Variants in ZNF106 observed in about 807,000 individuals in gnomAD.
ZNF106 encodes the protein SH3-domain binding protein 3.
A neutral mutation model predicts 195.1 loss-of-function variants in ZNF106; 67 were observed. The observed-to-expected ratio is 0.34, with a 90% CI of 0.28 to 0.42. ZNF106 has a LOEUF of 0.42. Ranked by LOEUF, ZNF106 falls within the 10% of genes least tolerant of loss-of-function variation. The pLI, the probability that ZNF106 is intolerant of heterozygous loss-of-function variation, is 1.00. For missense variants in ZNF106, 2,118 were observed against 2,304.5 expected, an observed-to-expected ratio of 0.92 and a Z score of 1.66; for synonymous variants, 784 against 818.6, an observed-to-expected ratio of 0.96 and a Z score of 0.72.
chr15:42,437,131 C>A (rs753403993), intron 13 of ZNF106, 101 bp downstream of exon 13: 1 of 1,307,792 alleles, frequency 7.6e-7, no homozygotes. Context: ...CCCACCCCTT[C>A]CTTCAGACAG....
At chr15:42,420,202 C>A (rs2054608892) in intron 20 of ZNF106, among the ~76,000 whole-genome samples, 1 of 152,098 alleles carries the variant, frequency 6.6e-6, no homozygotes, top group Admixed American at 6.6e-5. Context: ...ATAAACAATT[C>A]TTGAGTTTTA....
At chr15:42,444,582 T>C (rs551868828) in intron 8 of ZNF106, among the ~76,000 whole-genome samples, 138 of 152,384 alleles carry the variant, frequency 9.1e-4, no homozygotes, top group Admixed American at 2.3e-3. Flanking sequence ...AACACCCTTG[T>C]GGGGACTGCT....
In ZNF106 at chr15:42,421,064, A is replaced by G; in HGVS notation, c.5514T>C (p.Cys1838=). 1 of 1,614,130 alleles carries G rather than the reference A, an allele frequency of 6.2e-7. No individual in the cohort carries two copies. The highest frequency in any genetic ancestry group is 8.5e-7 in the Non-Finnish European group (1 of 1,179,980). ...CAGGAAGAGTTTCACTCCTTACCCA[A>G]CAGCGGTAATTCTGCATCAGATTAA... The part of the protein sequence containing the change: ...VRLNLMQNYR[C]WWHGCSLIFG... Residue 1838 remains cysteine, a synonymous_variant, in exon 20 of 22, where the codon TGT becomes TGC. Transcript: ENST00000564754.
intron 13 of ZNF106, among the ~76,000 whole-genome samples, chr15:42,436,475 C>A (rs2055278251): frequency 1.3e-5 from 2 of 152,154 alleles, no homozygotes; most frequent in Admixed American, 1.3e-4. Context: ...GCCTATATAG[C>A]AAACACATTT....
chr15:42,421,929 G>T lies in ZNF106; in HGVS notation c.5433C>A (p.Ile1811=). ...GHKDMIMCMT[I]HKSMIYTGCY... The stretch of plus-strand genomic sequence containing the variant: ...AAATAACACTCACCATGCTTTTATG[G>T]ATGGTCATACACATAATCATGTCTT... Residue 1811 remains isoleucine (I), a synonymous_variant, in exon 19 of 22, where the codon ATC becomes ATA. Coordinates refer to ENST00000564754, the MANE Select transcript of ZNF106 (RefSeq NM_001366845.3). 1 of 1,556,118 alleles carries T rather than the reference G, an allele frequency of 6.4e-7. No homozygotes were observed. Among genetic ancestry groups the T allele is most frequent in the Non-Finnish European group, 8.7e-7 (1 of 1,143,598 alleles).
intron 14 of ZNF106, among the ~76,000 whole-genome samples, chr15:42,428,375 CTT>C (rs1566998771): frequency 6.6e-6 from 1 of 152,136 alleles, no homozygotes; most frequent in Non-Finnish European, 1.5e-5. Flanking sequence ...ATGTTTCTAA[CTT>C]AGAATGTAGA....
rs187861669 is a variant in ZNF106 at position 42,455,217 on chromosome 15, A to G, written c.317+1741T>C. 4.8e-3 allele frequency among the ~76,000 whole-genome samples: 727 copies of G among 152,364 alleles called. 1 individual carries two copies. The highest frequency in any genetic ancestry group is 0.034 in the Middle Eastern group (10 of 294). On this transcript the variant is annotated intron_variant, in intron 4 of 21. Coordinates refer to ENST00000564754, the MANE Select transcript of ZNF106 (RefSeq NM_001366845.3). ...TCCCGTATCTGAAATGCTTGGGACC[A>G]GAAAGGTTTTGCATTTCAAACTGCT...
intron 8 of ZNF106, 36 bp downstream of exon 8, chr15:42,444,791 T>C (rs1373775081): frequency 2.5e-6 from 4 of 1,608,946 alleles, no homozygotes; most frequent in Non-Finnish European, 2.5e-6. Context: ...ATTTCGGAGA[T>C]GATCCATTTT....
At chr15:42,475,369 G>C (rs754044623) in intron 1 of ZNF106, among the ~76,000 whole-genome samples, 4 of 152,160 alleles carry the variant, frequency 2.6e-5, no homozygotes, top group Non-Finnish European at 5.9e-5. Context: ...TTGAACCCAG[G>C]AGGCAGAGGT....
intron 1 of ZNF106, among the ~76,000 whole-genome samples, chr15:42,488,402 G>A (rs1384746109): frequency 2.0e-5 from 3 of 151,954 alleles, no homozygotes; most frequent in African/African-American, 7.3e-5. Flanking sequence ...TGAAGACCTG[G>A]GAGCTTCTTG....
intron 6 of ZNF106, among the ~76,000 whole-genome samples, chr15:42,447,332 T>C (rs1457631331): frequency 2.6e-5 from 4 of 152,108 alleles, no homozygotes; most frequent in Admixed American, 2.6e-4. Context: ...ATGGACAACA[T>C]TGTGAGACCT....
intron 10 of ZNF106, among the ~76,000 whole-genome samples, chr15:42,440,651 C>A (rs531825024): frequency 4.6e-4 from 70 of 151,876 alleles, no homozygotes; most frequent in African/African-American, 1.6e-3. Context: ...AATATATACA[C>A]CTACTATGTA....
intron 2 of ZNF106, among the ~76,000 whole-genome samples, chr15:42,467,722 C>T (rs545843309): frequency 7.2e-5 from 11 of 152,194 alleles, no homozygotes; most frequent in South Asian, 2.1e-4. Flanking sequence ...GCAGGAGAAT[C>T]GCTTGAACCT....
At position 42,450,013 on chromosome 15, in the gene ZNF106, C is replaced by T; in HGVS notation, c.2259G>A (p.Arg753=). 1 of 1,614,168 alleles carries T rather than the reference C, an allele frequency of 6.2e-7. No individual in the cohort carries two copies. Among genetic ancestry groups the T allele is most frequent in the South Asian group, 1.1e-5 (1 of 91,072 alleles). ...SKLGFPASLQ[R]DLTRHISLKS... is the part of the protein sequence containing the mutation. Reference sequence around the variant, plus strand: ...TCAAACTAATGTGCCGGGTTAGATCCCTCTGAAGTGAGGCAGGAAAGCCAA... The same window carrying T: ...TCAAACTAATGTGCCGGGTTAGATCTCTCTGAAGTGAGGCAGGAAAGCCAA... The change falls in exon 5 of 22, where the codon AGG becomes AGA. Residue 753 remains arginine (R), a synonymous_variant. Coordinates refer to ENST00000564754, the MANE Select transcript of ZNF106 (RefSeq NM_001366845.3).
chr15:42,457,117 A>G lies in ZNF106; in HGVS notation c.158T>C (p.Val53Ala), dbSNP rs775325365. ...HECRVCGVTE[V>A]GLSAYAKHIS... ...GTGCTTTGCATATGCAGAAAGACCC[A>G]CTTCTGTGACCCCGCACACTCGGCA... Residue 53 changes from valine (V) to alanine (A), a missense_variant, in exon 4 of 22, where the codon GTG becomes GCG. Transcript: ENST00000564754. 1 of 1,614,002 alleles carries G rather than the reference A, an allele frequency of 6.2e-7. No homozygotes were observed. The highest frequency in any genetic ancestry group is 8.5e-7 in the Non-Finnish European group (1 of 1,180,018).
intron 1 of ZNF106, among the ~76,000 whole-genome samples, chr15:42,488,582 C>G (rs1277515874): frequency 1.3e-5 from 2 of 152,160 alleles, no homozygotes; most frequent in Non-Finnish European, 2.9e-5. Context: ...ATCCTAAACT[C>G]TCCACTAAGA....
At chr15:42,440,998 A>AAAT (rs1567009198) in intron 10 of ZNF106, among the ~76,000 whole-genome samples, 1 of 23,572 alleles carries the variant, frequency 4.2e-5, no homozygotes, top group African/African-American at 2.5e-4. Flanking sequence ...AAAAAAAAAA[A>AAAT]ATATATATAT....
intron 9 of ZNF106, 38 bp downstream of exon 9, chr15:42,444,164 C>A (rs2055674268): frequency 9.6e-6 from 12 of 1,247,552 alleles, no homozygotes; most frequent in Non-Finnish European, 1.4e-5. Flanking sequence ...AAGTAACACG[C>A]TATAGAGGGC....
At chr15:42,461,500 G>A (rs555703006) in intron 3 of ZNF106, among the ~76,000 whole-genome samples, 2 of 152,222 alleles carry the variant, frequency 1.3e-5, no homozygotes, top group Admixed American at 1.3e-4. Context: ...CTAACTACCC[G>A]ACAACAGCTG....
Sources: allele counts gnomAD v4.1 joint callset (sites outside exome capture counted in the v4.1 genomes callset), GRCh38; gene constraint gnomAD v4.1.1; transcripts MANE v1.5; gene names NCBI Gene and HGNC (gene_info 2026-07-23, HGNC 2026-07-21).